Variants in NELL1 observed in about 807,000 individuals in gnomAD.
The protein encoded by NELL1 is protein kinase C-binding protein NELL1.
A neutral mutation model predicts 107.4 loss-of-function variants in NELL1; 76 were observed. The ratio of observed to expected loss-of-function variants is 0.71; its 90% CI spans 0.59 to 0.86. The LOEUF (loss-of-function observed/expected upper bound fraction) is 0.86. Ranked by LOEUF, NELL1 falls within the 40% of genes least tolerant of loss-of-function variation. The pLI is 0.00. For missense variants in NELL1, 1,024 were observed against 1,005.5 expected (o/e 1.02, Z -0.25); for synonymous variants, 353 against 341.2 (o/e 1.03, Z -0.38).
chr11:20,730,573 G>A (rs1306761801), intron 2 of NELL1, among the ~76,000 whole-genome samples: 1 of 152,104 alleles, frequency 6.6e-6, no homozygotes, highest in Non-Finnish European at 1.5e-5. Flanking sequence ...ATCTTGCTAT[G>A]GTGCACTCCT....
At chr11:21,563,884 GGT>G (rs1856907571) in intron 17 of NELL1, among the ~76,000 whole-genome samples, 1 of 151,970 alleles carries the variant, frequency 6.6e-6, no homozygotes, top group South Asian at 2.1e-4. Flanking sequence ...TGTAGGGGAA[GGT>G]GAATCCCAAA....
intron 12 of NELL1, among the ~76,000 whole-genome samples, chr11:20,977,296 G>A (rs868122174): frequency 2.1e-5 from 3 of 141,480 alleles, no homozygotes; most frequent in African/African-American, 5.3e-5. Flanking sequence ...ACAGAGTCTC[G>A]CTCTGTCACC....
intron 15 of NELL1, among the ~76,000 whole-genome samples, chr11:21,508,336 T>C (rs979631916): frequency 4.6e-5 from 7 of 152,138 alleles, no homozygotes; most frequent in African/African-American, 1.4e-4. Flanking sequence ...ATTGTGTAGA[T>C]ACACAACAAT....
intron 2 of NELL1, among the ~76,000 whole-genome samples, chr11:20,721,605 C>A (rs761399342): frequency 6.6e-5 from 10 of 152,112 alleles, no homozygotes; most frequent in Non-Finnish European, 1.2e-4. Context: ...TATCGCCAAG[C>A]CTTAAGTTAA....
chr11:21,284,667 G>A (rs956807863), intron 14 of NELL1: 7 of 382,216 alleles, frequency 1.8e-5, no homozygotes, highest in Non-Finnish European at 3.7e-5. Context: ...GGCAGGCCTT[G>A]TGCCTGGAGC....
intron 12 of NELL1, among the ~76,000 whole-genome samples, chr11:21,043,649 G>C (rs1402798872): frequency 6.6e-6 from 1 of 152,140 alleles, no homozygotes; most frequent in East Asian, 1.9e-4. Context: ...TATTGGAGGA[G>C]GCAATAGCGA....
chr11:21,086,486 G>C (rs1451010470), intron 12 of NELL1, among the ~76,000 whole-genome samples: 1 of 152,116 alleles, frequency 6.6e-6, no homozygotes, highest in African/African-American at 2.4e-5. Flanking sequence ...GTAGCTAAAA[G>C]ATAAAATTTG....
At chr11:21,548,148 T>A (rs1856489038) in intron 16 of NELL1, among the ~76,000 whole-genome samples, 1 of 151,976 alleles carries the variant, frequency 6.6e-6, no homozygotes, top group Non-Finnish European at 1.5e-5. Context: ...GTCCAGGTAG[T>A]GGAAATGCAG....
chr11:21,055,747 C>T (rs1050951976), intron 12 of NELL1, among the ~76,000 whole-genome samples: 5 of 152,080 alleles, frequency 3.3e-5, no homozygotes, highest in African/African-American at 9.7e-5. Flanking sequence ...CCTCTCAAGG[C>T]AAAACACTGG....
At chr11:21,507,317 G>A (rs183932136) in intron 15 of NELL1, among the ~76,000 whole-genome samples, 146 of 152,266 alleles carry the variant, frequency 9.6e-4, no homozygotes, top group Non-Finnish European at 1.2e-3. Context: ...ACGAAAATAA[G>A]TGACTTTAAG....
chr11:21,038,018 C>T (rs991499521), intron 12 of NELL1, among the ~76,000 whole-genome samples: 1 of 152,100 alleles, frequency 6.6e-6, no homozygotes, highest in African/African-American at 2.4e-5. Context: ...ATGTTCCTTT[C>T]ATGGGCCATT....
At chr11:21,265,678 T>C (rs1335326412) in intron 14 of NELL1, among the ~76,000 whole-genome samples, 1 of 152,080 alleles carries the variant, frequency 6.6e-6, no homozygotes, top group Non-Finnish European at 1.5e-5. Flanking sequence ...TGTGCATGTT[T>C]TAAAGTTTCT....
At chr11:20,687,598 T>TAAA (rs1325065782) in intron 2 of NELL1, among the ~76,000 whole-genome samples, 5 of 149,472 alleles carry the variant, frequency 3.3e-5, no homozygotes, top group Non-Finnish European at 7.4e-5. Context: ...TAAACTAAAT[T>TAAA]TTTTTTTTTT....
In NELL1 at chr11:21,414,219, T is replaced by G. The variant is rs1012286188; in HGVS notation, c.1645+43271T>G. ...TGGAAATGAAGGTAATTCCAATATT[T>G]TTATGGAAGAAGAGTGGGGGAGAGG... On this transcript the variant is annotated intron_variant, in intron 15 of 19. Coordinates refer to ENST00000357134, the MANE Select transcript of NELL1 (RefSeq NM_006157.5). 1.3e-5 allele frequency among the ~76,000 whole-genome samples: 2 copies of G among 151,984 alleles called. 1 individual carries two copies. The highest frequency in any genetic ancestry group is 1.3e-4 in the Admixed American group (2 of 15,244).
intron 14 of NELL1, among the ~76,000 whole-genome samples, chr11:21,296,808 G>A (rs1849385219): frequency 6.6e-6 from 1 of 151,494 alleles, no homozygotes. Flanking sequence ...AGATTCATGG[G>A]AAGAAATTAA....
At chr11:20,731,130 A>G (rs962852100) in intron 2 of NELL1, among the ~76,000 whole-genome samples, 2 of 152,166 alleles carry the variant, frequency 1.3e-5, no homozygotes, top group East Asian at 3.9e-4. Flanking sequence ...TTTGACACCT[A>G]CACTACTTAA....
chr11:20,755,558 T>TTTTTTATTTTTTTATTTA (rs1267991719), intron 2 of NELL1, among the ~76,000 whole-genome samples: 43 of 16,448 alleles, frequency 2.6e-3, no homozygotes, highest in Middle Eastern at 0.1. Context: ...TTGTTTTTGT[T>TTTTTTATTTTTTTATTTA]TTTGTTTTTT....
intron 14 of NELL1, among the ~76,000 whole-genome samples, chr11:21,276,443 A>G (rs1474648500): frequency 2.0e-5 from 3 of 152,244 alleles, no homozygotes; most frequent in Non-Finnish European, 4.4e-5. Context: ...TGGTAGGAAG[A>G]ATCAATATCG....
In NELL1 at chr11:21,404,007, C is replaced by CCA. The variant is rs1554905739; in HGVS notation, c.1645+33060_1645+33061insAC. The stretch of plus-strand genomic sequence containing the variant: ...GAAAATATCTCTGTCATTCCTGAAC[C>CCA]CCCCCCCCCGCAATCAAAACCACTG... On this transcript the variant is annotated intron_variant, in intron 15 of 19. Coordinates refer to ENST00000357134, the MANE Select transcript of NELL1 (RefSeq NM_006157.5). Among the ~76,000 whole-genome samples, 81 of 96,462 alleles carry CCA rather than the reference C, an allele frequency of 8.4e-4. 3 individuals carry two copies. Among genetic ancestry groups the CCA allele is most frequent in the Non-Finnish European group, 1.4e-3 (65 of 47,286 alleles). The allele number at this position is 96,462 out of a possible 152,430, so 63.3% of individuals were successfully genotyped here.
Sources: gnomAD v4.1 joint callset for allele counts (sites outside exome capture counted in the v4.1 genomes callset) on GRCh38, gnomAD v4.1.1 for gene constraint, MANE v1.5 for transcripts, NCBI Gene and HGNC (gene_info 2026-07-23, HGNC 2026-07-21) for gene names.